The following MTMR14 variants were observed in gnomAD, a reference collection of about 807,000 sequenced individuals.
MTMR14 encodes the protein phosphatidylinositol-3,5-bisphosphate 3-phosphatase MTMR14.
MTMR14 carries 48 observed loss-of-function variants against 86.3 expected under a neutral mutation model. That is an observed-to-expected ratio of 0.56 (90% CI 0.44 to 0.71). The LOEUF is 0.71. MTMR14 is among the 30% of genes least tolerant of loss of function. The pLI is 0.00. For missense variants in MTMR14, 780 were observed against 834.6 expected, an observed-to-expected ratio of 0.93 and a Z score of 0.81; for synonymous variants, 366 against 326.1, an observed-to-expected ratio of 1.12 and a Z score of -1.32.
In MTMR14 at chr3:9,701,786, A is replaced by G. The variant is rs1348386585; in HGVS notation, c.1770-4A>G. On this transcript the variant is annotated splice_region_variant and splice_polypyrimidine_tract_variant and intron_variant, in intron 18 of 18. Coordinates refer to ENST00000296003, the MANE Select transcript of MTMR14 (RefSeq NM_001077525.3). The surrounding 1 kb of genome is among the most constrained non-coding windows in gnomAD (Gnocchi z 4.2). ...CTTTGTTCTTTCTCTTGACCTCCCCATAGGCTTGCAGCCCTGAGTGATCGA... is the reference window on the plus strand; with the variant it reads ...CTTTGTTCTTTCTCTTGACCTCCCCGTAGGCTTGCAGCCCTGAGTGATCGA... The G allele has an allele frequency of 3.1e-6, 5 of 1,613,536 alleles. No homozygotes were observed. Among genetic ancestry groups the G allele is most frequent in the African/African-American group, 2.7e-5 (2 of 74,924 alleles).
intron 7 of MTMR14, 142 bp downstream of exon 7, chr3:9,672,900 C>A: frequency 2.5e-6 from 2 of 788,730 alleles, no homozygotes; most frequent in Non-Finnish European, 4.5e-6. Context: ...CATTTTGGTT[C>A]CCAGTCACAG....
At chr3:9,687,154 G>T (rs771763215) in intron 13 of MTMR14, among the ~76,000 whole-genome samples, 1 of 152,168 alleles carries the variant, frequency 6.6e-6, no homozygotes, top group Non-Finnish European at 1.5e-5. Flanking sequence ...ATCCTTCCCT[G>T]TTAGCATCTC....
chr3:9,701,546 G>A lies in MTMR14; in HGVS notation c.1770-244G>A, dbSNP rs1020911970. The A allele has an allele frequency of 7.2e-6, 4 of 557,642 alleles. No individual in the cohort carries two copies. Among genetic ancestry groups the A allele is most frequent in the South Asian group, 2.1e-5 (1 of 48,448 alleles). 34.5% of individuals were successfully genotyped at this position (557,642 alleles called of 1,614,324 possible). A position where few individuals can be genotyped will look rare whatever the true frequency, so the allele number is the denominator to read the frequency against. On this transcript the variant is annotated intron_variant, in intron 18 of 18. Transcript: ENST00000296003. The surrounding 1 kb of genome is among the most constrained non-coding windows in gnomAD (Gnocchi z 4.2). ...CAAGAAAAAAAAAAAAAAGGTTAGTGTCCCAGTAAAAGCTCCTGCTCTAGG... is the reference window on the plus strand; with the variant it reads ...CAAGAAAAAAAAAAAAAAGGTTAGTATCCCAGTAAAAGCTCCTGCTCTAGG...
rs1056429579 is a variant in MTMR14 at position 9,680,753 on chromosome 3, C to T, written c.898-2425C>T. The stretch of plus-strand genomic sequence containing the variant: ...TCGGGAGACTGAGGCAGGAGAATGG[C>T]GTGAACCCGGGAGGCGGAGCTTGCG... On this transcript the variant is annotated intron_variant, in intron 9 of 18. Transcript: ENST00000296003. Among the ~76,000 whole-genome samples, 90 of 152,204 alleles carry T rather than the reference C, an allele frequency of 5.9e-4. 1 individual carries two copies. Among genetic ancestry groups the T allele is most frequent in the East Asian group, 1.9e-4 (1 of 5,198 alleles).
chr3:9,668,572 G>T, intron 3 of MTMR14, 147 bp from the exon 4 acceptor site: 1 of 743,458 alleles, frequency 1.3e-6, no homozygotes, highest in African/African-American at 1.7e-5. Context: ...CTGACTGATT[G>T]TGGCAGCCTT....
At chr3:9,664,567 A>G (rs960137570) in intron 3 of MTMR14, among the ~76,000 whole-genome samples, 4 of 152,236 alleles carry the variant, frequency 2.6e-5, no homozygotes, top group African/African-American at 7.2e-5. Flanking sequence ...CCATTCAGCC[A>G]TGAAAAATAA....
chr3:9,698,000 T>G lies in MTMR14; in HGVS notation c.1769+134T>G, dbSNP rs2076336636. 3.1e-6 allele frequency: 4 copies of G among 1,280,340 alleles called. No homozygotes were observed. In the Admixed American group the frequency reaches 6.8e-5, roughly 22 times the overall value. The allele number at this position is 1,280,340 out of a possible 1,614,324, so 79.3% of individuals were successfully genotyped here. On this transcript the variant is annotated intron_variant, in intron 18 of 18. Transcript: ENST00000296003. ...GCCTCCTGCCCTCCCCTCTCTCAGC[T>G]GCTGGACCCGAGGTATGAAGGAGGC...
intron 4 of MTMR14, among the ~76,000 whole-genome samples, 157 bp downstream of exon 4, chr3:9,668,951 A>G (rs1470554503): frequency 6.6e-6 from 1 of 152,058 alleles, no homozygotes; most frequent in Non-Finnish European, 1.5e-5. Flanking sequence ...CATCCTGGCT[A>G]ACACGGTGAA....
rs565978597 is a variant in MTMR14 at position 9,688,407 on chromosome 3, A to C, written c.1236-289A>C. Among the ~76,000 whole-genome samples the C allele has an allele frequency of 2.6e-5, 4 of 152,284 alleles. No homozygotes were observed. In the South Asian group the frequency reaches 8.3e-4, roughly 32 times the overall value. On this transcript the variant is annotated intron_variant, in intron 14 of 18. Coordinates refer to ENST00000296003, the MANE Select transcript of MTMR14 (RefSeq NM_001077525.3). ...TTGCCTGAGTTGGTTTGCCTTCCTA[A>C]TCCGAGCTACAAGCATGTTGGGCCA...
In MTMR14 at chr3:9,653,706, G is replaced by T. The variant is rs2047440913; in HGVS notation, c.245G>T (p.Cys82Phe). 6.2e-7 allele frequency: 1 copy of T among 1,614,022 alleles called. No individual in the cohort carries two copies. Among genetic ancestry groups the T allele is most frequent in the African/African-American group, 1.3e-5 (1 of 74,892 alleles). The change falls in exon 2 of 19, where the codon TGT becomes TTT. Residue 82 changes from cysteine (C) to phenylalanine (F), a missense_variant. Transcript: ENST00000296003. ...ATTCCAAACACGAATGGGGATATCT[G>T]TGGCCACTATCCCCGGCACATCGTG... ...SVIPNTNGDI[C>F]GHYPRHIVFL...
chr3:9,699,294 G>C (rs1028640473), intron 18 of MTMR14: 1 of 152,072 alleles, frequency 6.6e-6, no homozygotes, highest in Non-Finnish European at 1.5e-5. Context: ...ACTTACCTGG[G>C]GTTAGCCACT....
intron 10 of MTMR14, among the ~76,000 whole-genome samples, chr3:9,684,175 A>T (rs529637003): frequency 1.3e-5 from 2 of 152,252 alleles, no homozygotes; most frequent in South Asian, 2.1e-4. Flanking sequence ...ATGTGGTTAG[A>T]GTTGGCCAGG....
At position 9,672,691 on chromosome 3, in the gene MTMR14, C is replaced by A; in HGVS notation, c.684C>A (p.Thr228=). 3.1e-6 allele frequency: 5 copies of A among 1,614,074 alleles called. No individual in the cohort carries two copies. Among genetic ancestry groups the A allele is most frequent in the Non-Finnish European group, 3.4e-6 (4 of 1,179,942 alleles). The change falls in exon 7 of 19, where the codon ACC becomes ACA. Residue 228 remains threonine (T), a synonymous_variant. Coordinates refer to ENST00000296003, the MANE Select transcript of MTMR14 (RefSeq NM_001077525.3). The part of the protein sequence containing the change: ...NKKVKFGMNV[T]SSEKVDKAQR... The stretch of plus-strand genomic sequence containing the variant: ...TTGTATCCTTGTCTTGTAGTGTAAC[C>A]TCCTCTGAGAAGGTGGACAAAGCCC...
Position 9,669,426 on chromosome 3 carries a change from T to C in MTMR14, c.494-6T>C, listed in dbSNP as rs1424909548. 2 of 1,613,774 alleles carry C rather than the reference T, an allele frequency of 1.2e-6. No individual in the cohort carries two copies. The highest frequency in any genetic ancestry group is 1.7e-6 in the Non-Finnish European group (2 of 1,179,806). On this transcript the variant is annotated splice_polypyrimidine_tract_variant and splice_region_variant and intron_variant, in intron 4 of 18. Transcript: ENST00000296003. ...CTCAGTACTGACAGATAGGTTTCTC[T>C]GGCAGGGGGTGCAGATGATGCCTGG... is the stretch of plus-strand genomic sequence containing the variant.
chr3:9,682,131 C>T (rs2075788589), intron 9 of MTMR14, among the ~76,000 whole-genome samples: 1 of 152,218 alleles, frequency 6.6e-6, no homozygotes, highest in East Asian at 1.9e-4. Context: ...AATGGTGTGT[C>T]TGACACGTTG....
At position 9,687,283 on chromosome 3, in the gene MTMR14, C is replaced by T. The variant is rs537577206; in HGVS notation, c.1165-538C>T. 5.9e-5 allele frequency among the ~76,000 whole-genome samples: 9 copies of T among 152,134 alleles called. No homozygotes were observed. In the East Asian group the frequency reaches 9.7e-4, roughly 16 times the overall value. ...GAAAAATCACTGGCCTGGCTGGGCA[C>T]GGTGGTTGACGCCTGTAATCCCAGC... On this transcript the variant is annotated intron_variant, in intron 13 of 18. Transcript: ENST00000296003.
intron 17 of MTMR14, among the ~76,000 whole-genome samples, chr3:9,692,057 G>A (rs141089829): frequency 1.3e-3 from 204 of 152,270 alleles, no homozygotes; most frequent in African/African-American, 4.7e-3. Flanking sequence ...AATTAATTTA[G>A]TCTCTTATCT....
chr3:9,669,338 C>A, intron 4 of MTMR14, 94 bp from the exon 5 acceptor site: 2 of 1,288,830 alleles, frequency 1.6e-6, no homozygotes, highest in Non-Finnish European at 2.2e-6. Flanking sequence ...CCCAGCCCAC[C>A]CTTGGCACTA....
chr3:9,697,924 G>C lies in MTMR14; in HGVS notation c.1769+58G>C, dbSNP rs1014487538. The C allele has an allele frequency of 5.6e-6, 9 of 1,608,812 alleles. No homozygotes were observed. In the African/African-American group the frequency reaches 1.1e-4, roughly 19 times the overall value. ...CCCTGCCCATGGGAAAAGCTGGTGAGCAGTCAGGAGTGCTGGGTAGGAATG... is the reference window on the plus strand; with the variant it reads ...CCCTGCCCATGGGAAAAGCTGGTGACCAGTCAGGAGTGCTGGGTAGGAATG... On this transcript the variant is annotated intron_variant, in intron 18 of 18. Coordinates refer to ENST00000296003, the MANE Select transcript of MTMR14 (RefSeq NM_001077525.3).
Sources: gnomAD v4.1 joint callset for allele counts (sites outside exome capture counted in the v4.1 genomes callset) on GRCh38, gnomAD v4.1.1 for gene constraint, Gnocchi (gnomAD v3.1) non-coding constraint, MANE v1.5 for transcripts, NCBI Gene and HGNC (gene_info 2026-07-23, HGNC 2026-07-21) for gene names.